The following GPC6 variants were observed in gnomAD, a reference collection of about 807,000 sequenced individuals.
GPC6 encodes the protein glypican 6, also known as glypican-6.
In GPC6, 14 loss-of-function variants were observed where a neutral mutation model predicts 55.2. That is an observed-to-expected ratio of 0.25 (90% CI 0.17 to 0.40). GPC6 has a LOEUF of 0.40. Ranked by LOEUF, GPC6 falls within the 10% of genes least tolerant of loss-of-function variation. GPC6 has a pLI of 1.00. For missense variants in GPC6, 641 were observed against 708.5 expected (o/e 0.90, Z 1.08); for synonymous variants, 278 against 259.6 (o/e 1.07, Z -0.68).
At position 93,833,873 on chromosome 13, in the gene GPC6, C is replaced by T. The variant is rs9561456; in HGVS notation, c.711+3328C>T. Among the ~76,000 whole-genome samples, 3 of 152,000 alleles carry T rather than the reference C, an allele frequency of 2.0e-5. No homozygotes were observed. In the East Asian group the frequency reaches 5.8e-4, roughly 30 times the overall value. On this transcript the variant is annotated intron_variant, in intron 3 of 8. Transcript: ENST00000377047. ...GATGGGGCCAGTTTATTTTAAGTAA[C>T]TATAACTCTAGGTCTGACTCTTAGA...
At chr13:94,160,500 T>C (rs1333649002) in intron 4 of GPC6, among the ~76,000 whole-genome samples, 1 of 152,236 alleles carries the variant, frequency 6.6e-6, no homozygotes, top group Admixed American at 6.5e-5. Context: ...TTATTAGGAA[T>C]TTGAAGATGG....
In GPC6 at chr13:93,786,360, C is replaced by T. The variant is rs561262247; in HGVS notation, c.320-43794C>T. On this transcript the variant is annotated intron_variant, in intron 2 of 8. Transcript: ENST00000377047. ...GTTTTATTTGTTTCTTGTACAAAAC[C>T]TCTAGGCTTTTGGTAGTCATGATAT... is the stretch of plus-strand genomic sequence containing the variant. Among the ~76,000 whole-genome samples, 3 of 152,168 alleles carry T rather than the reference C, an allele frequency of 2.0e-5. No homozygotes were observed. In the East Asian group the frequency reaches 5.8e-4, roughly 29 times the overall value.
In GPC6 at chr13:94,085,321, CAA is replaced by C. The variant is rs33967804; in HGVS notation, c.877+57449_877+57450del. On this transcript the variant is annotated intron_variant, in intron 4 of 8. Coordinates refer to ENST00000377047, the MANE Select transcript of GPC6 (RefSeq NM_005708.5). ...TGGGTGACAGAGCGAGATTCTGTCTCAAAAAAAAAAAAAAAAAAAAAAAGGGA... is the reference window on the plus strand; with the variant it reads ...TGGGTGACAGAGCGAGATTCTGTCTCAAAAAAAAAAAAAAAAAAAAAGGGA... Among the ~76,000 whole-genome samples, 324 of 87,036 alleles carry C rather than the reference CAA, an allele frequency of 3.7e-3. 4 individuals carry two copies. Among genetic ancestry groups the C allele is most frequent in the African/African-American group, 0.014 (316 of 23,194 alleles). The allele number at this position is 87,036 out of a possible 152,430, so 57.1% of individuals were successfully genotyped here. A position where few individuals can be genotyped will look rare whatever the true frequency, so the allele number is the denominator to read the frequency against.
chr13:94,165,767 C>A (rs1205311906), intron 4 of GPC6, among the ~76,000 whole-genome samples: 1 of 152,182 alleles, frequency 6.6e-6, no homozygotes, highest in Non-Finnish European at 1.5e-5. Context: ...TGTACTTTAA[C>A]AATAGTTTCT....
At chr13:93,496,484 A>C (rs767253597) in intron 1 of GPC6, among the ~76,000 whole-genome samples, 2 of 152,104 alleles carry the variant, frequency 1.3e-5, no homozygotes, top group Non-Finnish European at 2.9e-5. Flanking sequence ...TGCGTCGCTC[A>C]TGCTGGGAGC....
At chr13:93,625,622 T>C (rs1035798889) in intron 2 of GPC6, among the ~76,000 whole-genome samples, 5 of 152,196 alleles carry the variant, frequency 3.3e-5, no homozygotes, top group African/African-American at 1.2e-4. Context: ...TCTTCTCCAC[T>C]GTGCAGTCTA....
intron 2 of GPC6, among the ~76,000 whole-genome samples, chr13:93,598,148 A>G (rs1877848869): frequency 6.6e-6 from 1 of 151,902 alleles, no homozygotes; most frequent in Non-Finnish European, 1.5e-5. Flanking sequence ...ATCTCAAAAT[A>G]ATAATAATAA....
intron 4 of GPC6, among the ~76,000 whole-genome samples, chr13:94,105,965 G>A (rs2138832793): frequency 6.9e-6 from 1 of 145,198 alleles, no homozygotes; most frequent in South Asian, 2.3e-4. Context: ...GGAAAGGGTA[G>A]CTCCCACGAC....
intron 2 of GPC6, among the ~76,000 whole-genome samples, chr13:93,623,344 A>T (rs1879037840): frequency 6.6e-6 from 1 of 151,910 alleles, no homozygotes; most frequent in African/African-American, 2.4e-5. Context: ...TTTTTGAAGA[A>T]CTTCCGTAAT....
intron 1 of GPC6, among the ~76,000 whole-genome samples, chr13:93,504,535 T>G (rs1880639667): frequency 7.0e-6 from 1 of 142,352 alleles, no homozygotes; most frequent in Non-Finnish European, 1.5e-5. Context: ...TTTTTTGGGG[T>G]GAAACCTGGG....
intron 4 of GPC6, among the ~76,000 whole-genome samples, chr13:94,237,195 A>G (rs960386588): frequency 2.0e-5 from 3 of 152,112 alleles, no homozygotes; most frequent in African/African-American, 7.2e-5. Flanking sequence ...AATGGATTAA[A>G]ATGGAATTGG....
intron 5 of GPC6, among the ~76,000 whole-genome samples, chr13:94,294,263 T>C (rs1011358427): frequency 6.6e-6 from 1 of 152,206 alleles, no homozygotes; most frequent in Non-Finnish European, 1.5e-5. Flanking sequence ...AAGATTGGTT[T>C]GTCAGAGATA....
At chr13:94,376,446 A>G (rs1879859931) in intron 6 of GPC6, among the ~76,000 whole-genome samples, 1 of 152,040 alleles carries the variant, frequency 6.6e-6, no homozygotes, top group African/African-American at 2.4e-5. Context: ...ACTCCCATTC[A>G]CAATTGCTTC....
At chr13:93,243,707 A>G (rs977357488) in intron 1 of GPC6, among the ~76,000 whole-genome samples, 4 of 152,168 alleles carry the variant, frequency 2.6e-5, no homozygotes, top group African/African-American at 7.2e-5. Context: ...TGTACTGGGC[A>G]TGTGAGCGGG....
rs985160584 is a variant in GPC6 at position 93,777,075 on chromosome 13, T to C, written c.320-53079T>C. Among the ~76,000 whole-genome samples the C allele has an allele frequency of 3.9e-5, 6 of 152,164 alleles. No homozygotes were observed. The East Asian group carries it at 1.2e-3, about 29-fold the overall frequency. On this transcript the variant is annotated intron_variant, in intron 2 of 8. Transcript: ENST00000377047. ...AATCCAGCAAATTCCAAAAAGGACATACTTCCCATTCCTCAATCTTCTGAC... is the reference window on the plus strand; with the variant it reads ...AATCCAGCAAATTCCAAAAAGGACACACTTCCCATTCCTCAATCTTCTGAC...
chr13:94,067,578 T>TATAGATAGATAGATAGATAG (rs5805846), intron 4 of GPC6, among the ~76,000 whole-genome samples: 1 of 147,568 alleles, frequency 6.8e-6, no homozygotes, highest in Admixed American at 6.8e-5. Context: ...ATAGATAGAT[T>TATAGATAGATAGATAGATAG]ATAGATAGAT....
chr13:93,401,391 T>C (rs1876070953), intron 1 of GPC6, among the ~76,000 whole-genome samples: 1 of 152,022 alleles, frequency 6.6e-6, no homozygotes, highest in Non-Finnish European at 1.5e-5. Context: ...ATGTTCTGAA[T>C]TTATATGTTA....
chr13:93,261,947 C>T (rs1877164309), intron 1 of GPC6, among the ~76,000 whole-genome samples: 1 of 151,856 alleles, frequency 6.6e-6, no homozygotes, highest in Non-Finnish European at 1.5e-5. Context: ...CACACACACA[C>T]ACACACACAC....
intron 1 of GPC6, among the ~76,000 whole-genome samples, chr13:93,477,241 GA>G (rs1022301753): frequency 2.0e-5 from 3 of 151,938 alleles, no homozygotes; most frequent in Non-Finnish European, 4.4e-5. Flanking sequence ...AATTTAGGAA[GA>G]AAAAACAGGT....
Sources: gnomAD v4.1 joint callset for allele counts (sites outside exome capture counted in the v4.1 genomes callset) on GRCh38, gnomAD v4.1.1 for gene constraint, MANE v1.5 for transcripts, NCBI Gene and HGNC (gene_info 2026-07-23, HGNC 2026-07-21) for gene names.